Variants in ADNP observed in about 807,000 individuals in gnomAD.
The protein encoded by ADNP is activity dependent neuroprotector homeobox, also known as activity-dependent neuroprotector homeobox protein.
In ADNP, 4 loss-of-function variants were observed where a neutral mutation model predicts 84.9. That is an observed-to-expected ratio of 0.05 (90% confidence interval 0.02 to 0.11). ADNP has a LOEUF of 0.11. Ranked by LOEUF, ADNP falls within the 10% of genes least tolerant of loss-of-function variation. The pLI is 1.00. For missense variants in ADNP, 1,132 were observed against 1,326.0 expected (o/e 0.85, Z 2.27); for synonymous variants, 554 against 468.1 (o/e 1.18, Z -2.37).
At chr20:50,930,118 A>G (rs2123031189) in intron 1 of ADNP, among the ~76,000 whole-genome samples, 1 of 152,238 alleles carries the variant, frequency 6.6e-6, no homozygotes, top group African/African-American at 2.4e-5. Context: ...ACTACTCCCC[A>G]TTCATTACAT....
Position 50,889,294 on chromosome 20 carries a change from G to T in ADNP, c.*2111C>A, listed in dbSNP as rs543049003. On this transcript the variant is annotated 3_prime_UTR_variant, in exon 6 of 6. Transcript: ENST00000621696. ...TCCTCCACGTACAACTCAGAAGCCT[G>T]TTAATCAGGGAGGGTAATTTCCAAA... 6.6e-6 allele frequency: 1 copy of T among 152,332 alleles called. No homozygotes were observed. The highest frequency in any genetic ancestry group is 2.4e-5 in the African/African-American group (1 of 41,580). The allele number at this position is 152,332 out of a possible 1,614,324, so 9.4% of individuals were successfully genotyped here. A position where few individuals can be genotyped will look rare whatever the true frequency, so the allele number is the denominator to read the frequency against.
At position 50,903,967 on chromosome 20, in the gene ADNP, G is replaced by T. The variant is rs375707442; in HGVS notation, c.30C>A (p.Gly10=). The change falls in exon 4 of 6, where the codon GGC becomes GGA. Residue 10 remains glycine (G), a synonymous_variant. Transcript: ENST00000621696. MFQLPVNNL[G]SLRKARKTVK... is the part of the protein sequence containing the mutation. The stretch of plus-strand genomic sequence containing the variant: ...CAGTTTTCCGGGCTTTTCTTAAACT[G>T]CCAAGATTGTTGACAGGAAGTTGGA... 7.4e-6 allele frequency: 12 copies of T among 1,613,536 alleles called. No individual in the cohort carries two copies. Among genetic ancestry groups the T allele is most frequent in the African/African-American group, 5.3e-5 (4 of 74,854 alleles).
intron 5 of ADNP, among the ~76,000 whole-genome samples, chr20:50,899,789 TAAAA>T (rs35430512): frequency 7.6e-6 from 1 of 130,846 alleles, no homozygotes; most frequent in Non-Finnish European, 1.6e-5. Flanking sequence ...TTTAAAAAGT[TAAAA>T]AAAAAAAAAA....
intron 5 of ADNP, among the ~76,000 whole-genome samples, chr20:50,901,777 C>T (rs1029208938): frequency 6.6e-6 from 1 of 152,194 alleles, no homozygotes. Context: ...CAGCAGGCTT[C>T]GTAACTTTTA....
At chr20:50,930,294 G>A (rs1984602814) in intron 1 of ADNP, among the ~76,000 whole-genome samples, 1 of 151,620 alleles carries the variant, frequency 6.6e-6, no homozygotes, top group African/African-American at 2.4e-5. Context: ...GCAGGTTGGG[G>A]AAGAAGGATT....
chr20:50,893,410 G>A lies in ADNP; in HGVS notation c.1304C>T (p.Pro435Leu), dbSNP rs1358876810. 11 of 1,614,062 alleles carry A rather than the reference G, an allele frequency of 6.8e-6. No homozygotes were observed. Among genetic ancestry groups the A allele is most frequent in the African/African-American group, 5.3e-5 (4 of 74,906 alleles). The change falls in exon 6 of 6, where the codon CCT becomes CTT. Residue 435 changes from proline (P) to leucine (L), a missense_variant. By Grantham distance (98) the Pro-to-Leu change is moderately conservative (BLOSUM62 -3). Coordinates refer to ENST00000621696, the MANE Select transcript of ADNP (RefSeq NM_001282531.3). The surrounding 1 kb of genome is among the most constrained non-coding windows in gnomAD (Gnocchi z 4.4). ...AGTTGAGGAAGTGTTACCTGGGGGA[G>A]GGCCTGTGGCAGCTGCAGCAGGTTT... ...SSKPAAAATG[P>L]PPGNTSSTQK...
At chr20:50,900,500 C>T (rs1981862418) in intron 5 of ADNP, among the ~76,000 whole-genome samples, 1 of 152,190 alleles carries the variant, frequency 6.6e-6, no homozygotes, top group South Asian at 2.1e-4. Context: ...TGACTGGCAG[C>T]ACAGGTGTGT....
chr20:50,917,688 G>A (rs980774977), intron 2 of ADNP, among the ~76,000 whole-genome samples: 2 of 152,158 alleles, frequency 1.3e-5, no homozygotes, highest in African/African-American at 4.8e-5. Flanking sequence ...GTCAAACTGG[G>A]AGAACAGTAA....
chr20:50,916,708 AT>A (rs1266387126), intron 2 of ADNP, among the ~76,000 whole-genome samples: 1 of 152,216 alleles, frequency 6.6e-6, no homozygotes, highest in Non-Finnish European at 1.5e-5. Flanking sequence ...GACATAAAAA[AT>A]ATTTTTAAAA....
Position 50,908,513 on chromosome 20 carries a change from G to A in ADNP, c.-89-3664C>T, listed in dbSNP as rs192410177. 4.6e-5 allele frequency among the ~76,000 whole-genome samples: 7 copies of A among 152,274 alleles called. No homozygotes were observed. In the East Asian group the frequency reaches 1.4e-3, roughly 29 times the overall value. ...ATCTAGGCTGGGCGCGGTGGCTCAT[G>A]CCTGTAATCCCAGCACTTTGGGAGG... On this transcript the variant is annotated intron_variant, in intron 2 of 5. Coordinates refer to ENST00000621696, the MANE Select transcript of ADNP (RefSeq NM_001282531.3).
chr20:50,916,104 A>C (rs981100117), intron 2 of ADNP, among the ~76,000 whole-genome samples: 1 of 152,214 alleles, frequency 6.6e-6, no homozygotes, highest in Non-Finnish European at 1.5e-5. Flanking sequence ...TCAATTATTT[A>C]TATTTTTTAT....
chr20:50,904,082 T>C, intron 3 of ADNP, 81 bp from the exon 4 acceptor site: 1 of 1,075,194 alleles, frequency 9.3e-7, no homozygotes, highest in Non-Finnish European at 1.4e-6. Context: ...GATAGGATCA[T>C]AAAACCTACC....
rs2122761819 is a variant in ADNP, at chr20:50,894,064, T to C, written c.650A>G (p.Glu217Gly). ...GAVPLGSNAR[E>G]ESSIHCKRCL... ...TCGCTTGCAGTGAATACTACTCTCTTCTCGGGCATTCGAGCCTAAGGGGAC... is the reference window on the plus strand; with the variant it reads ...TCGCTTGCAGTGAATACTACTCTCTCCTCGGGCATTCGAGCCTAAGGGGAC... The change falls in exon 6 of 6, where the codon GAA becomes GGA. Residue 217 changes from glutamate (E) to glycine (G), a missense_variant. By Grantham distance (98) the Glu-to-Gly change is moderately conservative. Coordinates refer to ENST00000621696, the MANE Select transcript of ADNP (RefSeq NM_001282531.3). 3 of 1,614,218 alleles carry C rather than the reference T, an allele frequency of 1.9e-6. No homozygotes were observed. Among genetic ancestry groups the C allele is most frequent in the Non-Finnish European group, 2.5e-6 (3 of 1,180,022 alleles).
chr20:50,915,676 G>A (rs925676619), intron 2 of ADNP, among the ~76,000 whole-genome samples: 2 of 152,116 alleles, frequency 1.3e-5, no homozygotes, highest in Admixed American at 6.5e-5. Context: ...GGGGCAGAAT[G>A]TTCTTCTGGA....
At chr20:50,928,331 G>A (rs1314636007) in intron 2 of ADNP, among the ~76,000 whole-genome samples, 1 of 152,126 alleles carries the variant, frequency 6.6e-6, no homozygotes, top group African/African-American at 2.4e-5. Flanking sequence ...GACATTTAAG[G>A]CTTTTAGAAG....
chr20:50,894,605 T>A, intron 5 of ADNP, 93 bp from the exon 6 acceptor site: 2 of 1,392,614 alleles, frequency 1.4e-6, no homozygotes, highest in East Asian at 4.9e-5. Flanking sequence ...AATAATGCAT[T>A]GATTTTAGGC....
Position 50,891,624 on chromosome 20 carries a change from A to G in ADNP, c.3090T>C (p.Asn1030=), listed in dbSNP as rs759471471. ...ACCCTTCAACTTTTCCATAGGAACT[A>G]TTCTTCCATTTCAACTGCTCTCTGT... The part of the protein sequence containing the change: ...QGDREQLKWK[N]SSYGKVEGFW... The change falls in exon 6 of 6, where the codon AAT becomes AAC. Residue 1030 remains asparagine, a synonymous_variant. Transcript: ENST00000621696. The G allele has an allele frequency of 3.1e-6, 5 of 1,614,084 alleles. No homozygotes were observed. Among genetic ancestry groups the G allele is most frequent in the Non-Finnish European group, 3.4e-6 (4 of 1,180,032 alleles).
intron 3 of ADNP, 136 bp downstream of exon 3, chr20:50,904,630 A>G (rs368519858): frequency 1.3e-5 from 2 of 152,374 alleles, no homozygotes; most frequent in South Asian, 2.1e-4. Context: ...CATAATTCTG[A>G]TAAGACTTAA....
intron 2 of ADNP, among the ~76,000 whole-genome samples, chr20:50,911,296 C>G (rs553478019): frequency 4.0e-4 from 61 of 152,254 alleles, no homozygotes; most frequent in African/African-American, 1.4e-3. Context: ...GACCAATGTC[C>G]ATGAGAGTTT....
Sources: gnomAD v4.1 joint callset for allele counts (sites outside exome capture counted in the v4.1 genomes callset) on GRCh38, gnomAD v4.1.1 for gene constraint, Gnocchi (gnomAD v3.1) non-coding constraint, MANE v1.5 for transcripts, NCBI Gene and HGNC (gene_info 2026-07-23, HGNC 2026-07-21) for gene names.